Variants in MYZAP observed in about 807,000 individuals in gnomAD.
The protein encoded by MYZAP is GRINL1A complex locus upstream.
A neutral mutation model predicts 69.4 loss-of-function variants in MYZAP; 66 were observed. The ratio of observed to expected loss-of-function variants is 0.95; its 90% CI spans 0.78 to 1.17. The LOEUF (loss-of-function observed/expected upper bound fraction) is 1.17, where lower values mean the gene tolerates loss of function less well. MYZAP is among the 50% of genes most tolerant of loss of function. The probability of loss-of-function intolerance (pLI) is 0.00; values close to 1 mark genes in which losing one functional copy is unlikely to be tolerated. For synonymous variants in MYZAP, 256 were observed against 205.9 expected, an observed-to-expected ratio of 1.24 and a Z score of -2.09; for missense variants, 611 against 556.2, an observed-to-expected ratio of 1.10 and a Z score of -0.99.
rs184193449 is a variant in MYZAP, at chr15:57,674,743, A to G, written c.1204-225A>G. Among the ~76,000 whole-genome samples, 1,145 of 152,360 alleles carry G rather than the reference A, an allele frequency of 7.5e-3. 10 individuals carry two copies. The highest frequency in any genetic ancestry group is 0.049 in the South Asian group (235 of 4,830). ...AGATTACAATATTTTGTTTTCATTT[A>G]TGTAAAATTGGATGCACATGTCTGT... On this transcript the variant is annotated intron_variant, in intron 11 of 12. Coordinates refer to ENST00000267853, the MANE Select transcript of MYZAP (RefSeq NM_001018100.5).
At chr15:57,625,694 A>G in intron 4 of MYZAP, 85 bp from the exon 5 acceptor site, 1 of 1,264,406 alleles carries the variant, frequency 7.9e-7, no homozygotes, top group Non-Finnish European at 1.2e-6. Flanking sequence ...TGTGGCTTCT[A>G]ACAGAAGAAA....
chr15:57,594,197 C>T (rs764851323), intron 1 of MYZAP, among the ~76,000 whole-genome samples: 53 of 152,336 alleles, frequency 3.5e-4, no homozygotes, highest in Admixed American at 1.2e-3. Flanking sequence ...CTCACTGCAG[C>T]CTCCACCTCC....
At chr15:57,648,378 C>T in intron 10 of MYZAP, 4 of 985,418 alleles carry the variant, frequency 4.1e-6, no homozygotes, top group Non-Finnish European at 4.8e-6. Flanking sequence ...TTCTCAGACA[C>T]CTGGTGCCCA....
chr15:57,654,373 A>C (rs1330666881), intron 10 of MYZAP, among the ~76,000 whole-genome samples: 2 of 151,848 alleles, frequency 1.3e-5, no homozygotes, highest in African/African-American at 4.8e-5. Flanking sequence ...CAGGAGGGGG[A>C]GTTGATTCTA....
At chr15:57,675,624 G>C (rs144393828) in intron 12 of MYZAP, among the ~76,000 whole-genome samples, 1 of 152,094 alleles carries the variant, frequency 6.6e-6, no homozygotes, top group African/African-American at 2.4e-5. Flanking sequence ...TTGAGTCATC[G>C]GCAGATATGT....
rs143646194 is a variant in MYZAP at position 57,615,339 on chromosome 15, G to A, written c.163-2694G>A. On this transcript the variant is annotated intron_variant, in intron 2 of 12. Transcript: ENST00000267853. ...TGAAATTTATGATTTTTCACTCAGT[G>A]TATCTTGATCTCTTTCTGTGTGTAC... Among the ~76,000 whole-genome samples the A allele has an allele frequency of 1.4e-3, 217 of 152,306 alleles. 1 individual carries two copies. Among genetic ancestry groups the A allele is most frequent in the African/African-American group, 4.9e-3 (204 of 41,560 alleles).
At chr15:57,620,612 A>G (rs1387155213) in intron 3 of MYZAP, among the ~76,000 whole-genome samples, 2 of 152,220 alleles carry the variant, frequency 1.3e-5, no homozygotes, top group African/African-American at 4.8e-5. Context: ...TGTTTTTGGG[A>G]TCACTTGAAC....
intron 3 of MYZAP, among the ~76,000 whole-genome samples, chr15:57,618,551 G>A (rs1262215839): frequency 6.6e-6 from 1 of 152,164 alleles, no homozygotes. Context: ...GGGTGATTCA[G>A]ATCAATCAGT....
intron 11 of MYZAP, among the ~76,000 whole-genome samples, chr15:57,663,592 G>A (rs2038417344): frequency 6.6e-6 from 1 of 152,138 alleles, no homozygotes; most frequent in African/African-American, 2.4e-5. Context: ...AGAAAGCTGG[G>A]GCATTTATCC....
chr15:57,606,811 T>C (rs2034780442), intron 2 of MYZAP, among the ~76,000 whole-genome samples: 1 of 152,212 alleles, frequency 6.6e-6, no homozygotes, highest in African/African-American at 2.4e-5. Context: ...ATTGAATAAA[T>C]GTTAATTTTC....
intron 4 of MYZAP, among the ~76,000 whole-genome samples, chr15:57,625,005 C>G (rs1218724162): frequency 6.6e-6 from 1 of 152,002 alleles, no homozygotes; most frequent in Non-Finnish European, 1.5e-5. Context: ...ACATGTTAAA[C>G]ACACACACCC....
Position 57,684,666 on chromosome 15 carries a change from A to T in MYZAP, c.*168A>T. 1.7e-6 allele frequency: 1 copy of T among 586,238 alleles called. No individual in the cohort carries two copies. Among genetic ancestry groups the T allele is most frequent in the Non-Finnish European group, 3.0e-6 (1 of 332,524 alleles). The allele number at this position is 586,238 out of a possible 1,614,324, so 36.3% of individuals were successfully genotyped here. A position where few individuals can be genotyped will look rare whatever the true frequency, so the allele number is the denominator to read the frequency against. On this transcript the variant is annotated 3_prime_UTR_variant, in exon 13 of 13. Transcript: ENST00000267853. Reference sequence around the variant, plus strand: ...AAGACAGGAAGGAAAGTGAAGGCAGAGTGAGCAGGTAAGAGAGGGATATAC... The same window carrying T: ...AAGACAGGAAGGAAAGTGAAGGCAGTGTGAGCAGGTAAGAGAGGGATATAC...
intron 11 of MYZAP, among the ~76,000 whole-genome samples, chr15:57,672,003 A>T (rs1348817111): frequency 6.6e-6 from 1 of 152,220 alleles, no homozygotes; most frequent in East Asian, 1.9e-4. Flanking sequence ...CAATGAATTT[A>T]GCCAGACCCA....
At chr15:57,654,727 C>G (rs529864809) in intron 10 of MYZAP, among the ~76,000 whole-genome samples, 3 of 152,264 alleles carry the variant, frequency 2.0e-5, no homozygotes, top group African/African-American at 7.2e-5. Flanking sequence ...CTACATGTTA[C>G]TAATGGGAAG....
chr15:57,616,604 C>A (rs997853532), intron 2 of MYZAP, among the ~76,000 whole-genome samples: 1 of 151,666 alleles, frequency 6.6e-6, no homozygotes, highest in African/African-American at 2.4e-5. Flanking sequence ...CCGCTGCTCT[C>A]CAACCTGGCG....
chr15:57,659,877 C>T (rs11071338), intron 10 of MYZAP, among the ~76,000 whole-genome samples: 66,150 of 151,884 alleles, frequency 0.44, 14,857 homozygotes, highest in Non-Finnish European at 0.48. Flanking sequence ...ATCCTGTCTC[C>T]TTCACCTAAG....
At chr15:57,678,459 A>G (rs1420063568) in intron 12 of MYZAP, among the ~76,000 whole-genome samples, 3 of 152,238 alleles carry the variant, frequency 2.0e-5, no homozygotes, top group Non-Finnish European at 4.4e-5. Flanking sequence ...TATTAATATT[A>G]ACTAAACCCA....
intron 10 of MYZAP, among the ~76,000 whole-genome samples, chr15:57,655,443 T>G (rs1433257502): frequency 6.6e-6 from 1 of 150,742 alleles, no homozygotes; most frequent in South Asian, 2.1e-4. Flanking sequence ...GCGTAGGGGG[T>G]TTTTAATTGG....
chr15:57,616,821 G>GTTTTTTTT (rs1595870389), intron 2 of MYZAP, among the ~76,000 whole-genome samples: 1 of 53,318 alleles, frequency 1.9e-5, no homozygotes, highest in Admixed American at 2.4e-4. Context: ...AAAAAAAAGT[G>GTTTTTTTT]CTTTTTTTTT....
Sources: gnomAD v4.1 joint callset for allele counts (sites outside exome capture counted in the v4.1 genomes callset) on GRCh38, gnomAD v4.1.1 for gene constraint, MANE v1.5 for transcripts, NCBI Gene and HGNC (gene_info 2026-07-23, HGNC 2026-07-21) for gene names.